The following CACNA2D3 variants were observed in gnomAD, a reference collection of about 807,000 sequenced individuals.
CACNA2D3 encodes the protein voltage-dependent calcium channel subunit alpha-2/delta-3.
In CACNA2D3, 60 loss-of-function variants were observed where a neutral mutation model predicts 160.6. The observed-to-expected ratio is 0.37, with a 90% CI of 0.30 to 0.46. The LOEUF is 0.46. CACNA2D3 is among the 20% of genes least tolerant of loss of function. The pLI is 1.00. For synonymous variants in CACNA2D3, 558 were observed against 492.9 expected (o/e 1.13, Z -1.75); for missense variants, 1,205 against 1,365.0 (o/e 0.88, Z 1.85).
rs541602259 is a variant in CACNA2D3, at chr3:54,631,836, A to G, written c.1053+3960A>G. ...TTAGCATCTACCTTGTCATGTGACA[A>G]CTGCAATTATCATTTTTGGCGATGA... On this transcript the variant is annotated intron_variant, in intron 10 of 37. Transcript: ENST00000474759. 4.6e-5 allele frequency among the ~76,000 whole-genome samples: 7 copies of G among 152,310 alleles called. 1 individual carries two copies. In the South Asian group the frequency reaches 1.2e-3, roughly 27 times the overall value.
At position 54,131,883 on chromosome 3, in the gene CACNA2D3, A is replaced by G. The variant is rs560800515; in HGVS notation, c.204+8289A>G. ...GCTATAATTTGCGAAGCAAGGTGAA[A>G]GTTGGAAATATAGGGCAGGTGTTTG... On this transcript the variant is annotated intron_variant, in intron 2 of 37. Transcript: ENST00000474759. Among the ~76,000 whole-genome samples, 6 of 152,334 alleles carry G rather than the reference A, an allele frequency of 3.9e-5. No individual in the cohort carries two copies. In the South Asian group the frequency reaches 1.2e-3, roughly 32 times the overall value.
chr3:54,605,502 A>C (rs1299539925), intron 9 of CACNA2D3, among the ~76,000 whole-genome samples: 1 of 152,162 alleles, frequency 6.6e-6, no homozygotes, highest in Non-Finnish European at 1.5e-5. Flanking sequence ...TACCACTCTT[A>C]GTGGGACCAC....
intron 11 of CACNA2D3, among the ~76,000 whole-genome samples, chr3:54,744,975 A>G (rs1466168816): frequency 6.6e-6 from 1 of 152,240 alleles, no homozygotes; most frequent in African/African-American, 2.4e-5. Flanking sequence ...ACCCACCTGG[A>G]ACAAATAATA....
intron 11 of CACNA2D3, among the ~76,000 whole-genome samples, chr3:54,642,628 G>C (rs942137556): frequency 2.6e-5 from 4 of 152,042 alleles, no homozygotes; most frequent in African/African-American, 7.2e-5. Flanking sequence ...TTTACATATT[G>C]TGTTTGTATA....
chr3:54,148,158 C>T (rs993128458), intron 2 of CACNA2D3, among the ~76,000 whole-genome samples: 1 of 152,222 alleles, frequency 6.6e-6, no homozygotes, highest in Non-Finnish European at 1.5e-5. Context: ...TTGACATGCC[C>T]ACGGGCTCTT....
chr3:54,724,323 AC>A (rs1468155309), intron 11 of CACNA2D3, among the ~76,000 whole-genome samples: 3 of 152,156 alleles, frequency 2.0e-5, no homozygotes, highest in Admixed American at 6.5e-5. Context: ...ATAGTGGGAG[AC>A]TTTAACACTC....
intron 13 of CACNA2D3, among the ~76,000 whole-genome samples, chr3:54,795,490 C>G (rs1702849989): frequency 6.6e-6 from 1 of 152,038 alleles, no homozygotes; most frequent in Non-Finnish European, 1.5e-5. Context: ...CATTATGTTT[C>G]TGAGTGTCTG....
At chr3:54,243,756 C>A (rs1702016885) in intron 2 of CACNA2D3, among the ~76,000 whole-genome samples, 1 of 152,200 alleles carries the variant, frequency 6.6e-6, no homozygotes. Flanking sequence ...AAAAAGCACC[C>A]GTGCTCTGAC....
intron 4 of CACNA2D3, among the ~76,000 whole-genome samples, chr3:54,416,292 T>G (rs1056818894): frequency 1.3e-5 from 2 of 152,210 alleles, no homozygotes; most frequent in Non-Finnish European, 2.9e-5. Flanking sequence ...GGCAGCTACC[T>G]CCAATGTTTT....
rs552232884 is a variant in CACNA2D3 at position 54,969,801 on chromosome 3, G to A, written c.2513G>A (p.Cys838Tyr). 2 of 1,612,250 alleles carry A rather than the reference G, an allele frequency of 1.2e-6. No individual in the cohort carries two copies. The highest frequency in any genetic ancestry group is 2.2e-5 in the East Asian group (1 of 44,742). ...QRKFWTASRQ[C>Y]ASLDGKCSIS... ...TCCCTCCACTTTTTGCCTTCACAGTGTGCTTCCCTGGATGGCAAATGCTCC... is the reference window on the plus strand; with the variant it reads ...TCCCTCCACTTTTTGCCTTCACAGTATGCTTCCCTGGATGGCAAATGCTCC... Residue 838 changes from cysteine to tyrosine, a missense_variant and splice_region_variant, in exon 29 of 38, where the codon TGT (cysteine) becomes TAT (tyrosine). This residue lies in a region of CACNA2D3 where 911 missense variants were observed against 1,002.2 expected (regional missense o/e 0.91). Transcript: ENST00000474759.
intron 4 of CACNA2D3, among the ~76,000 whole-genome samples, chr3:54,400,815 A>G (rs1342093599): frequency 6.6e-6 from 1 of 152,342 alleles, no homozygotes; most frequent in Middle Eastern, 3.4e-3. Context: ...TGCAGACATC[A>G]ATGCAAGGAA....
At chr3:54,764,483 G>C in intron 13 of CACNA2D3, 132 bp downstream of exon 13, 1 of 1,110,568 alleles carries the variant, frequency 9.0e-7, no homozygotes, top group Non-Finnish European at 1.2e-6. Context: ...TGTTTGTATA[G>C]TGTTGGTCAC....
chr3:54,385,352 G>A (rs1474512258), intron 3 of CACNA2D3, among the ~76,000 whole-genome samples: 1 of 152,132 alleles, frequency 6.6e-6, no homozygotes, highest in Non-Finnish European at 1.5e-5. Context: ...TCAGACAGGG[G>A]AAGGGTCCTG....
intron 4 of CACNA2D3, among the ~76,000 whole-genome samples, chr3:54,460,206 G>A (rs901250551): frequency 2.0e-4 from 31 of 151,910 alleles, no homozygotes; most frequent in South Asian, 1.3e-3. Context: ...GTCAGGTAGC[G>A]TGATGCCTCC....
intron 13 of CACNA2D3, among the ~76,000 whole-genome samples, chr3:54,783,492 G>T (rs1189431158): frequency 6.6e-6 from 1 of 152,100 alleles, no homozygotes. Context: ...TGTAATCCCA[G>T]CTACTCGGGA....
rs192539011 is a variant in CACNA2D3, at chr3:54,155,021, C to T, written c.204+31427C>T. On this transcript the variant is annotated intron_variant, in intron 2 of 37. Coordinates refer to ENST00000474759, the MANE Select transcript of CACNA2D3 (RefSeq NM_018398.3). ...TAAATAACAAACCATTATCACCTTCCATGGTAGAAATAACTGCTATGAAAA... is the reference window on the plus strand; with the variant it reads ...TAAATAACAAACCATTATCACCTTCTATGGTAGAAATAACTGCTATGAAAA... Among the ~76,000 whole-genome samples, 215 of 152,256 alleles carry T rather than the reference C, an allele frequency of 1.4e-3. 1 individual carries two copies. Among genetic ancestry groups the T allele is most frequent in the African/African-American group, 4.9e-3 (203 of 41,554 alleles).
At chr3:54,695,024 A>AT (rs989385389) in intron 11 of CACNA2D3, among the ~76,000 whole-genome samples, 28 of 149,876 alleles carry the variant, frequency 1.9e-4, no homozygotes, top group East Asian at 3.9e-4. Context: ...GTCATAAAAT[A>AT]TTTTTTTTTT....
intron 2 of CACNA2D3, among the ~76,000 whole-genome samples, chr3:54,174,014 T>A (rs1700620617): frequency 6.6e-6 from 1 of 152,208 alleles, no homozygotes; most frequent in South Asian, 2.1e-4. Context: ...GTCCTTGCTC[T>A]AGGTTAGGTA....
intron 13 of CACNA2D3, among the ~76,000 whole-genome samples, chr3:54,807,457 C>T (rs1448605510): frequency 1.3e-5 from 2 of 152,186 alleles, no homozygotes; most frequent in Non-Finnish European, 2.9e-5. Context: ...TGAAAAAATG[C>T]TCACCATCAC....
Sources: gnomAD v4.1 joint callset for allele counts (sites outside exome capture counted in the v4.1 genomes callset) on GRCh38, gnomAD v4.1.1 for gene constraint, gnomAD v4.1.1 regional missense constraint, MANE v1.5 for transcripts, NCBI Gene and HGNC (gene_info 2026-07-23, HGNC 2026-07-21) for gene names.